Variants in PXN observed in about 807,000 individuals in gnomAD.
PXN encodes the protein testicular tissue protein Li 134.
Under a neutral mutation model 103.6 loss-of-function variants are expected in PXN, and 61 were observed. The observed-to-expected ratio is 0.59, with a 90% CI of 0.48 to 0.73. PXN has a LOEUF of 0.73. Among genes scored for constraint, PXN ranks in the 30% least tolerant of loss-of-function variants. PXN has a pLI of 0.00. For synonymous variants in PXN, 562 were observed against 607.8 expected (o/e 0.92, Z 1.11); for missense variants, 1,274 against 1,460.3 (o/e 0.87, Z 2.08).
In PXN at chr12:120,235,303, C is replaced by T. The variant is rs567256980; in HGVS notation, c.14-10926G>A. On this transcript the variant is annotated intron_variant, in intron 1 of 14. Coordinates refer to ENST00000637617, the MANE Select transcript of PXN (RefSeq NM_001385981.1). ...AGAGTGCCAAAAAGGGATCCAAAGA[C>T]GGGGCTGCGAGGCTAGAAAGCAGCT... 6.6e-5 allele frequency among the ~76,000 whole-genome samples: 10 copies of T among 152,278 alleles called. No homozygotes were observed. The South Asian group carries it at 1.0e-3, about 16-fold the overall frequency.
chr12:120,219,589 CCGAATACCTCCGAAGCCCATGGCTGCT>C lies in PXN; in HGVS notation c.1307_1333del (p.Glu436_Phe444del). 6.4e-7 allele frequency: 1 copy of C among 1,564,028 alleles called. No homozygotes were observed. Among genetic ancestry groups the C allele is most frequent in the South Asian group, 1.1e-5 (1 of 87,378 alleles). On this transcript the variant is annotated inframe_deletion, in exon 7 of 15. Transcript: ENST00000637617. The surrounding 1 kb of genome is among the most constrained non-coding windows in gnomAD (Gnocchi z 6.5). Reference sequence around the variant, plus strand: ...TCCAGAGGGGGGCATTCTCTCAGGCCCGAATACCTCCGAAGCCCATGGCTGCTCCCATGTGGCAGCCAAGGCCTCCTC... The same window carrying C: ...TCCAGAGGGGGGCATTCTCTCAGGCCCCCATGTGGCAGCCAAGGCCTCCTC...
intron 1 of PXN, among the ~76,000 whole-genome samples, chr12:120,253,143 A>C (rs953739792): frequency 6.6e-6 from 1 of 152,162 alleles, no homozygotes; most frequent in African/African-American, 2.4e-5. Context: ...TGACCCGTAG[A>C]TTTCTGATTT....
rs778199821 is a variant in PXN, at chr12:120,219,683, G to T, written c.1240C>A (p.Pro414Thr). The change falls in exon 7 of 15, where the codon CCT becomes ACT. Residue 414 changes from proline to threonine, a missense_variant. This residue lies in a region of PXN where 1,178 missense variants were observed against 1,309.0 expected (regional missense o/e 0.90). Coordinates refer to ENST00000637617, the MANE Select transcript of PXN (RefSeq NM_001385981.1). The surrounding 1 kb of genome is among the most constrained non-coding windows in gnomAD (Gnocchi z 6.5). ...PCAGSTALQE[P>T]GEPQGPPASP... Reference sequence around the variant, plus strand: ...GCTGGTGGCCCCTGGGGCTCCCCAGGCTCTTGGAGAGCTGTGCTCCCAGCA... The same window carrying T: ...GCTGGTGGCCCCTGGGGCTCCCCAGTCTCTTGGAGAGCTGTGCTCCCAGCA... The T allele has an allele frequency of 6.3e-7, 1 of 1,589,794 alleles. No individual in the cohort carries two copies. Among genetic ancestry groups the T allele is most frequent in the Admixed American group, 1.7e-5 (1 of 58,334 alleles).
rs1482269443 is a variant in PXN at position 120,221,533 on chromosome 12, G to A, written c.831+90C>T. 8.5e-6 allele frequency: 12 copies of A among 1,407,626 alleles called. No homozygotes were observed. Among genetic ancestry groups the A allele is most frequent in the Middle Eastern group, 3.6e-4 (2 of 5,606 alleles). The allele number at this position is 1,407,626 out of a possible 1,614,324, so 87.2% of individuals were successfully genotyped here. ...GGGCAAGGCACCCAAACACTGAGAT[G>A]CCAAGATCCAGCTACCCACACTGAG... On this transcript the variant is annotated intron_variant, in intron 6 of 14. Coordinates refer to ENST00000637617, the MANE Select transcript of PXN (RefSeq NM_001385981.1). This position sits in a 1 kb window ranked among gnomAD's most constrained non-coding sequence, Gnocchi z 6.6.
rs984714331 is a variant in PXN at position 120,228,434 on chromosome 12, C to T, written c.14-4057G>A. ...GGCAGGCTAGGTGCAAAGTCCCCAG[C>T]GAGCCATGGGCAAAGGCCACGGAGC... On this transcript the variant is annotated intron_variant, in intron 1 of 14. Coordinates refer to ENST00000637617, the MANE Select transcript of PXN (RefSeq NM_001385981.1). This position sits in a 1 kb window ranked among gnomAD's most constrained non-coding sequence, Gnocchi z 4.7. 5.9e-5 allele frequency among the ~76,000 whole-genome samples: 9 copies of T among 152,334 alleles called. No homozygotes were observed. Among genetic ancestry groups the T allele is most frequent in the African/African-American group, 1.4e-4 (6 of 41,580 alleles).
At chr12:120,254,950 GA>G (rs1892766546) in intron 1 of PXN, among the ~76,000 whole-genome samples, 1 of 152,158 alleles carries the variant, frequency 6.6e-6, no homozygotes, top group Non-Finnish European at 1.5e-5. Context: ...CCAGAGAAGA[GA>G]GGGGGCGCTA....
chr12:120,251,540 C>T lies in PXN; in HGVS notation c.13+14077G>A, dbSNP rs181377420. ...TCAATAAATAAATAAACAAACAGGC[C>T]GCTGCGGTGGCTCACTCCTGTAATC... is the stretch of plus-strand genomic sequence containing the variant. On this transcript the variant is annotated intron_variant, in intron 1 of 14. Transcript: ENST00000637617. Among the ~76,000 whole-genome samples, 10 of 151,534 alleles carry T rather than the reference C, an allele frequency of 6.6e-5. No individual in the cohort carries two copies. In the East Asian group the frequency reaches 1.4e-3, roughly 21 times the overall value.
intron 1 of PXN, among the ~76,000 whole-genome samples, chr12:120,240,657 C>A (rs1446626725): frequency 6.6e-6 from 1 of 152,204 alleles, no homozygotes. Flanking sequence ...ACTGCTGATC[C>A]TCCCAGGAGT....
At chr12:120,233,766 C>A (rs1472512606) in intron 1 of PXN, among the ~76,000 whole-genome samples, 1 of 152,184 alleles carries the variant, frequency 6.6e-6, no homozygotes, top group South Asian at 2.1e-4. Context: ...CCAAACTAAC[C>A]TTCACTGCCT....
chr12:120,216,067 A>AAAAGCAAGAGGGC lies in PXN; in HGVS notation c.2301+193_2301+205dup. ...GGAGCAGACATGGGTGGACCCACAG[A>AAAAGCAAGAGGGC]AAAGCAAGAGGGCAGCGGACCTTCT... On this transcript the variant is annotated intron_variant, in intron 9 of 14. Coordinates refer to ENST00000637617, the MANE Select transcript of PXN (RefSeq NM_001385981.1). The surrounding 1 kb of genome is among the most constrained non-coding windows in gnomAD (Gnocchi z 5.1). 2 of 1,312,256 alleles carry AAAAGCAAGAGGGC rather than the reference A, an allele frequency of 1.5e-6. No individual in the cohort carries two copies. Among genetic ancestry groups the AAAAGCAAGAGGGC allele is most frequent in the Non-Finnish European group, 1.9e-6 (2 of 1,032,682 alleles). 81.3% of individuals were successfully genotyped at this position (1,312,256 alleles called of 1,614,324 possible).
chr12:120,241,776 G>A (rs907489741), intron 1 of PXN, among the ~76,000 whole-genome samples: 1 of 152,204 alleles, frequency 6.6e-6, no homozygotes, highest in Admixed American at 6.5e-5. Context: ...GGGCCCACTG[G>A]GGAGTCTGGA....
At chr12:120,226,185 T>G in intron 1 of PXN, 1 of 1,219,194 alleles carries the variant, frequency 8.2e-7, no homozygotes, top group Non-Finnish European at 1.0e-6. Flanking sequence ...TGTCCTCATT[T>G]CCTCTGGGCC....
At chr12:120,242,868 G>A (rs1419094502) in intron 1 of PXN, among the ~76,000 whole-genome samples, 7 of 148,072 alleles carry the variant, frequency 4.7e-5, no homozygotes, top group African/African-American at 1.8e-4. Flanking sequence ...GCGACAGAGC[G>A]AGACTCGGGC....
chr12:120,234,137 G>C (rs1004683579), intron 1 of PXN, among the ~76,000 whole-genome samples: 1 of 152,152 alleles, frequency 6.6e-6, no homozygotes, highest in African/African-American at 2.4e-5. Context: ...GGTGGCTTAT[G>C]CTTGTAATCC....
intron 1 of PXN, among the ~76,000 whole-genome samples, chr12:120,254,170 C>T (rs944937990): frequency 3.3e-5 from 5 of 152,028 alleles, no homozygotes; most frequent in Admixed American, 6.6e-5. Flanking sequence ...TGAGCCACCA[C>T]GTCCAGTCCA....
intron 1 of PXN, among the ~76,000 whole-genome samples, chr12:120,227,585 G>C (rs1887142986): frequency 6.6e-6 from 1 of 152,154 alleles, no homozygotes; most frequent in Non-Finnish European, 1.5e-5. Flanking sequence ...TTGTCTATTT[G>C]AGGGACAGAG....
At position 120,222,471 on chromosome 12, in the gene PXN, G is replaced by A; in HGVS notation, c.695+78C>T. On this transcript the variant is annotated intron_variant, in intron 5 of 14. Coordinates refer to ENST00000637617, the MANE Select transcript of PXN (RefSeq NM_001385981.1). This position sits in a 1 kb window ranked among gnomAD's most constrained non-coding sequence, Gnocchi z 4.7. Reference sequence around the variant, plus strand: ...ACGGGAGGGAGTGGGTGATACCAGGGCTAAGGGGACAGACACTGGACCCGG... The same window carrying A: ...ACGGGAGGGAGTGGGTGATACCAGGACTAAGGGGACAGACACTGGACCCGG... The A allele has an allele frequency of 2.1e-6, 3 of 1,441,566 alleles. No homozygotes were observed. Among genetic ancestry groups the A allele is most frequent in the Admixed American group, 2.4e-5 (1 of 42,276 alleles). 89.3% of individuals were successfully genotyped at this position (1,441,566 alleles called of 1,614,324 possible).
chr12:120,221,867 C>T lies in PXN; in HGVS notation c.696-109G>A. The T allele has an allele frequency of 7.0e-7, 1 of 1,426,756 alleles. No homozygotes were observed. Among genetic ancestry groups the T allele is most frequent in the Non-Finnish European group, 9.3e-7 (1 of 1,078,766 alleles). 88.4% of individuals were successfully genotyped at this position (1,426,756 alleles called of 1,614,324 possible). ...ACTGGGGTCTCACCATCCCCAACCC[C>T]AGGGAGGTCCACCAGCTCCCTGTCT... On this transcript the variant is annotated intron_variant, in intron 5 of 14. Transcript: ENST00000637617. The surrounding 1 kb of genome is among the most constrained non-coding windows in gnomAD (Gnocchi z 6.6).
chr12:120,245,052 T>G (rs1439078034), intron 1 of PXN, among the ~76,000 whole-genome samples: 2 of 151,642 alleles, frequency 1.3e-5, no homozygotes, highest in Admixed American at 1.3e-4. Context: ...GGCCTGGGAC[T>G]GGGTGACTCT....
Sources: gnomAD v4.1 joint callset for allele counts (sites outside exome capture counted in the v4.1 genomes callset) on GRCh38, gnomAD v4.1.1 for gene constraint, gnomAD v4.1.1 regional missense constraint, Gnocchi (gnomAD v3.1) non-coding constraint, MANE v1.5 for transcripts, NCBI Gene and HGNC (gene_info 2026-07-23, HGNC 2026-07-21) for gene names.